RBFOX1: variants seen among roughly 807,000 people sequenced by gnomAD.
The protein encoded by RBFOX1 is RNA binding fox-1 homolog 1.
Under a neutral mutation model 57.7 loss-of-function variants are expected in RBFOX1, and 8 were observed. The observed-to-expected ratio is 0.14, with a 90% CI of 0.08 to 0.25. The LOEUF is 0.25. Among genes scored for constraint, RBFOX1 ranks in the 10% least tolerant of loss-of-function variants. The pLI is 1.00. For synonymous variants in RBFOX1, 326 were observed against 222.4 expected (o/e 1.47, Z -4.15); for missense variants, 611 against 548.5 (o/e 1.11, Z -1.14).
At chr16:5,252,504 C>T (rs1394578527) in intron 1 of RBFOX1, among the ~76,000 whole-genome samples, 1 of 152,168 alleles carries the variant, frequency 6.6e-6, no homozygotes, top group African/African-American at 2.4e-5. Flanking sequence ...AGGACTCTCT[C>T]CAGGTGTCTG....
At chr16:5,717,981 A>G (rs1391342342) in intron 3 of RBFOX1, among the ~76,000 whole-genome samples, 4 of 152,118 alleles carry the variant, frequency 2.6e-5, no homozygotes, top group Non-Finnish European at 4.4e-5. Context: ...GGACAATGTT[A>G]TGCATCTACA....
intron 3 of RBFOX1, among the ~76,000 whole-genome samples, chr16:6,931,340 T>TACACACACACAC (rs1555640313): frequency 1.9e-5 from 2 of 106,938 alleles, no homozygotes; most frequent in Admixed American, 1.7e-4. Context: ...TATCTATCTC[T>TACACACACACAC]ACACACACAC....
chr16:5,289,046 A>G (rs1406919799), intron 1 of RBFOX1, among the ~76,000 whole-genome samples: 1 of 152,214 alleles, frequency 6.6e-6, no homozygotes, highest in Admixed American at 6.5e-5. Flanking sequence ...AATCGCTTGA[A>G]CCTGGGAGGC....
rs137945546 is a variant in RBFOX1 at position 6,635,791 on chromosome 16, C to T, written c.-63-18812C>T. Among the ~76,000 whole-genome samples the T allele has an allele frequency of 1.4e-4, 21 of 152,254 alleles. 1 individual carries two copies. The South Asian group carries it at 2.5e-3, about 18-fold the overall frequency. On this transcript the variant is annotated intron_variant, in intron 2 of 15. Transcript: ENST00000550418. Reference sequence around the variant, plus strand: ...AACTATTTTGATGCACTTGACCAGTCAGTCTTAGGGTTTAGGTCACTATCA... The same window carrying T: ...AACTATTTTGATGCACTTGACCAGTTAGTCTTAGGGTTTAGGTCACTATCA...
chr16:6,934,669 C>T (rs139425439), intron 3 of RBFOX1, among the ~76,000 whole-genome samples: 1,771 of 152,012 alleles, frequency 0.012, 15 homozygotes, highest in Non-Finnish European at 0.019. Context: ...TATTCTCACT[C>T]ATATGTGGGA....
At chr16:5,899,851 A>C (rs1370023350) in intron 4 of RBFOX1, among the ~76,000 whole-genome samples, 1 of 152,176 alleles carries the variant, frequency 6.6e-6, no homozygotes, top group East Asian at 1.9e-4. Flanking sequence ...AGGCAGGTGG[A>C]TCACGTGAGC....
chr16:7,421,430 A>G (rs1273319253), intron 4 of RBFOX1, among the ~76,000 whole-genome samples: 1 of 152,198 alleles, frequency 6.6e-6, no homozygotes, highest in African/African-American at 2.4e-5. Flanking sequence ...ATACGTACAC[A>G]TATTTCCAAG....
At chr16:6,594,643 G>T (rs2097759104) in intron 2 of RBFOX1, among the ~76,000 whole-genome samples, 2 of 152,032 alleles carry the variant, frequency 1.3e-5, no homozygotes, top group East Asian at 1.9e-4. Context: ...AAATAAGTAT[G>T]TTCAGGTTGT....
chr16:6,595,104 T>C (rs2097764027), intron 2 of RBFOX1, among the ~76,000 whole-genome samples: 1 of 152,140 alleles, frequency 6.6e-6, no homozygotes, highest in African/African-American at 2.4e-5. Flanking sequence ...GTTTTTAATG[T>C]ATTCACAGAG....
At chr16:6,182,673 T>G (rs149655844) in intron 1 of RBFOX1, among the ~76,000 whole-genome samples, 267 of 152,294 alleles carry the variant, frequency 1.8e-3, no homozygotes, top group African/African-American at 5.8e-3. Flanking sequence ...TTAAAATATA[T>G]TTTTGCAACA....
chr16:7,688,723 A>G (rs531100969), intron 14 of RBFOX1, among the ~76,000 whole-genome samples: 2 of 152,272 alleles, frequency 1.3e-5, no homozygotes, highest in East Asian at 1.9e-4. Context: ...CTATAAAACC[A>G]TCTTAAAAGA....
intron 3 of RBFOX1, among the ~76,000 whole-genome samples, chr16:5,761,293 C>G (rs897570550): frequency 1.3e-5 from 2 of 152,078 alleles, no homozygotes; most frequent in East Asian, 1.9e-4. Context: ...GAATGTGCCC[C>G]CCAACTTTTT....
At position 6,800,005 on chromosome 16, in the gene RBFOX1, T is replaced by C. The variant is rs184077779; in HGVS notation, c.-16+145355T>C. Among the ~76,000 whole-genome samples the C allele has an allele frequency of 1.3e-3, 198 of 152,296 alleles. 1 individual carries two copies. The highest frequency in any genetic ancestry group is 4.6e-3 in the African/African-American group (193 of 41,578). ...TCATATATATTAAACACATATATCC[T>C]ATTAGTTCTGTCCCTCTGGAGAACC... On this transcript the variant is annotated intron_variant, in intron 3 of 15. Coordinates refer to ENST00000550418, the MANE Select transcript of RBFOX1 (RefSeq NM_018723.4).
At chr16:7,271,391 A>AT (rs1256181503) in intron 4 of RBFOX1, among the ~76,000 whole-genome samples, 1 of 151,048 alleles carries the variant, frequency 6.6e-6, no homozygotes, top group Non-Finnish European at 1.5e-5. Context: ...CCATGTAGTG[A>AT]TTTTTTTCTA....
At chr16:6,581,703 T>G (rs991260857) in intron 2 of RBFOX1, among the ~76,000 whole-genome samples, 1 of 152,184 alleles carries the variant, frequency 6.6e-6, no homozygotes, top group Non-Finnish European at 1.5e-5. Context: ...TCTGCTTAGC[T>G]CCTTAATGAG....
intron 4 of RBFOX1, among the ~76,000 whole-genome samples, chr16:7,075,807 C>G (rs1035732253): frequency 6.6e-6 from 1 of 152,076 alleles, no homozygotes; most frequent in African/African-American, 2.4e-5. Context: ...GTCTTGATCT[C>G]CTGACCTCGT....
chr16:7,641,890 C>T (rs1249948961), intron 11 of RBFOX1, among the ~76,000 whole-genome samples: 3 of 152,114 alleles, frequency 2.0e-5, no homozygotes, highest in Non-Finnish European at 4.4e-5. Context: ...CTGCTTGAGG[C>T]GTTACAGCTC....
chr16:7,167,798 G>T (rs1424134787), intron 4 of RBFOX1, among the ~76,000 whole-genome samples: 1 of 152,182 alleles, frequency 6.6e-6, no homozygotes, highest in East Asian at 1.9e-4. Context: ...TGCAAGGGCA[G>T]AGTTGAATAA....
rs58580159 is a variant in RBFOX1 at position 6,171,853 on chromosome 16, G to C, written c.-126-145142G>C. ...ATTTATTCTTTTAAGACAGAGTCTC[G>C]CTCTGTCACCCAGGTTGGAGTGCAG... On this transcript the variant is annotated intron_variant, in intron 1 of 15. Coordinates refer to ENST00000550418, the MANE Select transcript of RBFOX1 (RefSeq NM_018723.4). 9.2e-3 allele frequency among the ~76,000 whole-genome samples: 1,319 copies of C among 142,882 alleles called. 18 individuals carry two copies. Among genetic ancestry groups the C allele is most frequent in the African/African-American group, 0.036 (1,256 of 35,162 alleles). The allele number at this position is 142,882 out of a possible 152,430, so 93.7% of individuals were successfully genotyped here.
Sources: gnomAD v4.1 joint callset for allele counts (sites outside exome capture counted in the v4.1 genomes callset) on GRCh38, gnomAD v4.1.1 for gene constraint, MANE v1.5 for transcripts, NCBI Gene and HGNC (gene_info 2026-07-23, HGNC 2026-07-21) for gene names.